Variants in PCDHA7 observed in about 807,000 individuals in gnomAD.
The protein encoded by PCDHA7 is protocadherin alpha-7.
Under a neutral mutation model 57.2 loss-of-function variants are expected in PCDHA7, and 37 were observed. The observed-to-expected ratio is 0.65, with a 90% CI of 0.50 to 0.85. The LOEUF (loss-of-function observed/expected upper bound fraction) is 0.85, where lower values mean the gene tolerates loss of function less well. Among genes scored for constraint, PCDHA7 ranks in the 40% least tolerant of loss-of-function variants. The probability of loss-of-function intolerance (pLI) is 0.00; values close to 1 mark genes in which losing one functional copy is unlikely to be tolerated. For missense variants in PCDHA7, 1,188 were observed against 1,241.8 expected (o/e 0.96, Z 0.65); for synonymous variants, 553 against 558.8 (o/e 0.99, Z 0.15).
chr5:140,975,099 A>G (rs540357854), intron 1 of PCDHA7, among the ~76,000 whole-genome samples: 1 of 152,152 alleles, frequency 6.6e-6, no homozygotes, highest in Non-Finnish European at 1.5e-5. Flanking sequence ...TTGTTTGGGG[A>G]CTGAGATCTC....
chr5:140,900,799 G>T (rs797036955), intron 1 of PCDHA7, among the ~76,000 whole-genome samples: 1 of 152,138 alleles, frequency 6.6e-6, no homozygotes, highest in East Asian at 1.9e-4. Context: ...GTTCTCCATA[G>T]TGCTTGTACT....
At chr5:140,976,594 T>C (rs2096724606) in intron 1 of PCDHA7, among the ~76,000 whole-genome samples, 1 of 152,146 alleles carries the variant, frequency 6.6e-6, no homozygotes, top group Non-Finnish European at 1.5e-5. Flanking sequence ...ACTTTTGTGT[T>C]AAGGGGACCT....
At chr5:140,983,184 T>C (rs1367703446) in intron 3 of PCDHA7, among the ~76,000 whole-genome samples, 2 of 152,192 alleles carry the variant, frequency 1.3e-5, no homozygotes, top group Non-Finnish European at 2.9e-5. Flanking sequence ...CACAATTTCT[T>C]AGTTTAGAGG....
chr5:140,834,639 G>C lies in PCDHA7; in HGVS notation c.256G>C (p.Val86Leu), dbSNP rs2150223224. The change falls in exon 1 of 4, where the codon GTG (valine) becomes CTG (leucine). Residue 86 changes from valine (V) to leucine (L), a missense_variant. Transcript: ENST00000525929. ...AAATCTGCAGAATGGCATTTTGTTT[G>C]TGAATTCTCGGATCGACCGCGAGGA... ...EVNLQNGILFVNSRIDREELC... is the reference protein window; with the variant it reads ...EVNLQNGILFLNSRIDREELC... 5 of 1,614,100 alleles carry C rather than the reference G, an allele frequency of 3.1e-6. No individual in the cohort carries two copies. Among genetic ancestry groups the C allele is most frequent in the African/African-American group, 1.3e-5 (1 of 74,958 alleles).
chr5:140,928,308 C>A, intron 1 of PCDHA7: 1 of 1,614,126 alleles, frequency 6.2e-7, no homozygotes, highest in Non-Finnish European at 8.5e-7. Flanking sequence ...CCCAGGACCC[C>A]GACCTGGGGA....
chr5:140,941,214 C>CTTCTTTCTTTCTTT (rs1554214039), intron 1 of PCDHA7, among the ~76,000 whole-genome samples: 1 of 122,414 alleles, frequency 8.2e-6, no homozygotes. Flanking sequence ...TTTCTTTCTT[C>CTTCTTTCTTTCTTT]CTTTCTTTCT....
At chr5:140,909,966 G>C (rs1583724116) in intron 1 of PCDHA7, among the ~76,000 whole-genome samples, 1 of 152,202 alleles carries the variant, frequency 6.6e-6, no homozygotes, top group African/African-American at 2.4e-5. Flanking sequence ...TCTCCATGGG[G>C]AAGGATGGGA....
intron 1 of PCDHA7, chr5:140,927,103 C>T: frequency 6.2e-7 from 1 of 1,613,768 alleles, no homozygotes; most frequent in Non-Finnish European, 8.5e-7. Flanking sequence ...GGTGGATCTA[C>T]CCAGCGGCAA....
At chr5:140,886,123 G>A (rs868933605) in intron 1 of PCDHA7, among the ~76,000 whole-genome samples, 53 of 152,236 alleles carry the variant, frequency 3.5e-4, no homozygotes, top group African/African-American at 1.2e-3. Flanking sequence ...ACATAGTTCC[G>A]TAACAACCAG....
chr5:140,967,985 A>G, intron 1 of PCDHA7: 3 of 1,614,218 alleles, frequency 1.9e-6, no homozygotes, highest in East Asian at 4.5e-5. Flanking sequence ...TCTGGAGGCC[A>G]CACTGCCTTT....
chr5:140,889,856 G>GT (rs1471217688), intron 1 of PCDHA7, among the ~76,000 whole-genome samples: 17 of 152,122 alleles, frequency 1.1e-4, no homozygotes, highest in African/African-American at 4.1e-4. Context: ...GAGAATATTT[G>GT]TTTTGGGGGA....
rs781820550 is a variant in PCDHA7, at chr5:140,869,927, G to A, written c.2355+33189G>A. 14 of 1,611,538 alleles carry A rather than the reference G, an allele frequency of 8.7e-6. No individual in the cohort carries two copies. The East Asian group carries it at 2.5e-4, about 28-fold the overall frequency. On this transcript the variant is annotated intron_variant, in intron 1 of 3. Coordinates refer to ENST00000525929, the MANE Select transcript of PCDHA7 (RefSeq NM_018910.3). ...ACAGACCGAGACGAAGGAGTCAATG[G>A]AGAGGTAACATACTCCTTAATGTCA...
chr5:140,940,756 T>A (rs782132428), intron 1 of PCDHA7, among the ~76,000 whole-genome samples: 23 of 152,246 alleles, frequency 1.5e-4, no homozygotes, highest in Non-Finnish European at 2.8e-4. Context: ...GTGTGCCAAC[T>A]TTTATTTGAC....
Position 140,837,042 on chromosome 5 carries a change from A to G in PCDHA7, c.2355+304A>G, listed in dbSNP as rs188335781. 9.1e-5 allele frequency: 19 copies of G among 209,806 alleles called. No homozygotes were observed. In the Admixed American group the frequency reaches 9.5e-4, roughly 10 times the overall value. 13.0% of individuals were successfully genotyped at this position (209,806 alleles called of 1,614,324 possible). ...CTTCTATAGTGTATTTACAAAATCA[A>G]ATATTTACATTTCCATATTTTGATA... On this transcript the variant is annotated intron_variant, in intron 1 of 3. Coordinates refer to ENST00000525929, the MANE Select transcript of PCDHA7 (RefSeq NM_018910.3).
At chr5:140,871,552 AGT>A in intron 1 of PCDHA7, 1 of 1,493,376 alleles carries the variant, frequency 6.7e-7, no homozygotes, top group Non-Finnish European at 8.9e-7. Context: ...TTTAAAATCC[AGT>A]TTTTTTTCAC....
intron 1 of PCDHA7, chr5:140,929,570 A>G (rs1563117537): frequency 2.2e-6 from 1 of 458,222 alleles, no homozygotes; most frequent in South Asian, 1.1e-4. Flanking sequence ...TAAGAACAAT[A>G]AAAGTAATAT....
At chr5:140,926,483 A>C (rs1261469017) in intron 1 of PCDHA7, 4 of 168,788 alleles carry the variant, frequency 2.4e-5, no homozygotes, top group East Asian at 1.7e-4. Flanking sequence ...TAAGGAGAGA[A>C]GTGTTAGTGT....
intron 1 of PCDHA7, among the ~76,000 whole-genome samples, chr5:140,899,689 C>A (rs1033793263): frequency 4.6e-5 from 7 of 152,254 alleles, no homozygotes; most frequent in Admixed American, 4.6e-4. Flanking sequence ...ATGATGCTGG[C>A]CTCATAAAAT....
Position 140,836,574 on chromosome 5 carries a change from G to T in PCDHA7, c.2191G>T (p.Ala731Ser). The change falls in exon 1 of 4, where the codon GCA becomes TCA. Residue 731 changes from alanine to serine, a missense_variant. Ala to Ser is a moderately conservative substitution (Grantham distance 99). Coordinates refer to ENST00000525929, the MANE Select transcript of PCDHA7 (RefSeq NM_018910.3). The stretch of plus-strand genomic sequence containing the variant: ...GTGCTCAGCGCCGTCCTCTGAGGGC[G>T]CATGTAGTTTGGTAAAGCCCACTCT... ...LRCSAPSSEGACSLVKPTLVC... is the reference protein window; with the variant it reads ...LRCSAPSSEGSCSLVKPTLVC... 6.2e-7 allele frequency: 1 copy of T among 1,613,706 alleles called. No homozygotes were observed. Among genetic ancestry groups the T allele is most frequent in the Non-Finnish European group, 8.5e-7 (1 of 1,179,832 alleles).
Sources: allele counts gnomAD v4.1 joint callset (sites outside exome capture counted in the v4.1 genomes callset), GRCh38; gene constraint gnomAD v4.1.1; transcripts MANE v1.5; gene names NCBI Gene and HGNC (gene_info 2026-07-23, HGNC 2026-07-21).